The following MZF1 variants were observed in gnomAD, a reference collection of about 807,000 sequenced individuals.
MZF1 encodes the protein zinc finger and SCAN domain-containing protein 6.
Under a neutral mutation model 28.6 loss-of-function variants are expected in MZF1, and 24 were observed. The ratio of observed to expected loss-of-function variants is 0.84; its 90% confidence interval spans 0.61 to 1.18. The LOEUF is 1.18. Among genes scored for constraint, MZF1 ranks in the 50% most tolerant of loss-of-function variants. MZF1 has a pLI of 0.00. For missense variants in MZF1, 1,166 were observed against 1,026.4 expected (o/e 1.14, Z -1.86); for synonymous variants, 516 against 432.5 (o/e 1.19, Z -2.40).
chr19:58,563,890 T>C, intron 5 of MZF1: 1 of 181,686 alleles, frequency 5.5e-6, no homozygotes. Flanking sequence ...GGGTGCAGGC[T>C]CCTGGATAGT....
Position 58,573,178 on chromosome 19 carries a change from C to G in MZF1, c.-164G>C. On this transcript the variant is annotated 5_prime_UTR_variant, in exon 1 of 6. Coordinates refer to ENST00000215057, the MANE Select transcript of MZF1 (RefSeq NM_198055.2). ...CTCGAGCGCCTCCTTGCCCTTCCCC[C>G]ACCCTCGTCCCCGTTTCTACACCCT... The G allele has an allele frequency of 6.5e-6, 1 of 153,812 alleles. No homozygotes were observed. The highest frequency in any genetic ancestry group is 1.5e-5 in the Non-Finnish European group (1 of 68,456). The allele number at this position is 153,812 out of a possible 1,614,324, so 9.5% of individuals were successfully genotyped here. A position where few individuals can be genotyped will look rare whatever the true frequency, so the allele number is the denominator to read the frequency against.
intron 3 of MZF1, 102 bp from the exon 4 acceptor site, chr19:58,569,688 G>A (rs950245903): frequency 9.3e-7 from 1 of 1,074,150 alleles, no homozygotes. Context: ...TGGGATTCTT[G>A]GTTGTGGGCT....
Position 58,570,535 on chromosome 19 carries a change from G to A in MZF1, c.397-8C>T, listed in dbSNP as rs571026093. The stretch of plus-strand genomic sequence containing the variant: ...CTGCACCTGGACTGTGACCTGGGGA[G>A]GTGCCCCCACCATCAGAAGTCCTAC... On this transcript the variant is annotated splice_region_variant and splice_polypyrimidine_tract_variant and intron_variant, in intron 2 of 5. Coordinates refer to ENST00000215057, the MANE Select transcript of MZF1 (RefSeq NM_198055.2). 80 of 1,609,282 alleles carry A rather than the reference G, an allele frequency of 5.0e-5. No individual in the cohort carries two copies. In the Admixed American group the frequency reaches 6.6e-4, roughly 13 times the overall value.
rs539478185 is a variant in MZF1, at chr19:58,568,689, T to A, written c.772+588A>T. ...ACAAAGCTCCACCAAAACAAAGGTG[T>A]GAACTAAGAAAGAGGAGACCCTGGG... On this transcript the variant is annotated intron_variant, in intron 5 of 5. Coordinates refer to ENST00000215057, the MANE Select transcript of MZF1 (RefSeq NM_198055.2). The A allele has an allele frequency of 2.0e-5, 3 of 152,334 alleles. No homozygotes were observed. The South Asian group carries it at 6.2e-4, about 32-fold the overall frequency. 9.4% of individuals were successfully genotyped at this position (152,334 alleles called of 1,614,324 possible).
In MZF1 at chr19:58,562,594, G is replaced by A; in HGVS notation, c.1683C>T (p.Arg561=). ...RQRSNLTQHR[R]IHTGERPFAC... ...CGAAGGGCCGCTCCCCGGTGTGGAT[G>A]CGCCGGTGCTGCGTCAGGTTGGAGC... The change falls in exon 6 of 6, where the codon CGC becomes CGT. Residue 561 remains arginine (R), a synonymous_variant. Coordinates refer to ENST00000215057, the MANE Select transcript of MZF1 (RefSeq NM_198055.2). 1 of 1,586,636 alleles carries A rather than the reference G, an allele frequency of 6.3e-7. No homozygotes were observed. The highest frequency in any genetic ancestry group is 2.3e-5 in the East Asian group (1 of 43,874).
chr19:58,564,989 C>T (rs1251190316), intron 5 of MZF1, among the ~76,000 whole-genome samples: 2 of 126,136 alleles, frequency 1.6e-5, no homozygotes, highest in Non-Finnish European at 3.2e-5. Flanking sequence ...GGTGTGATCT[C>T]GGCTCACCGC....
At chr19:58,568,468 T>G (rs1388460675) in intron 5 of MZF1, 2 of 152,064 alleles carry the variant, frequency 1.3e-5, no homozygotes, top group Non-Finnish European at 2.9e-5. Flanking sequence ...AAAAAAAATT[T>G]CAAGGCAGTT....
At position 58,561,941 on chromosome 19, in the gene MZF1, A is replaced by G. The variant is rs767358393; in HGVS notation, c.*131T>C. ...GTGGGTGGAGACCCAGTTTCCATCT[A>G]CTGTTTATTGGACACCTACAGTAGC... On this transcript the variant is annotated 3_prime_UTR_variant, in exon 6 of 6. Coordinates refer to ENST00000215057, the MANE Select transcript of MZF1 (RefSeq NM_198055.2). The G allele has an allele frequency of 3.3e-5, 30 of 915,946 alleles. No homozygotes were observed. The highest frequency in any genetic ancestry group is 5.3e-5 in the Admixed American group (2 of 37,830). 56.7% of individuals were successfully genotyped at this position (915,946 alleles called of 1,614,324 possible).
At chr19:58,567,283 C>A (rs886316516) in intron 5 of MZF1, among the ~76,000 whole-genome samples, 8 of 152,190 alleles carry the variant, frequency 5.3e-5, no homozygotes, top group Non-Finnish European at 1.2e-4. Context: ...AGGGCACCAG[C>A]CAGGCTGGAG....
intron 3 of MZF1, chr19:58,569,793 G>T: frequency 1.8e-6 from 1 of 552,440 alleles, no homozygotes; most frequent in Non-Finnish European, 3.2e-6. Context: ...AGCTGCAGTG[G>T]GATGAGATGG....
Position 58,571,276 on chromosome 19 carries a change from T to C in MZF1, c.114A>G (p.Pro38=), listed in dbSNP as rs1204696152. ...EEEGEAALWD[P]GPEAARLRFR... ...AACGCAGGCGTGCAGCTTCAGGGCC[T>C]GGGTCCCATAAGGCAGCCTCACCCT... is the stretch of plus-strand genomic sequence containing the variant. The change falls in exon 2 of 6, where the codon CCA becomes CCG. Residue 38 remains proline (P), a synonymous_variant. Transcript: ENST00000215057. The C allele has an allele frequency of 6.2e-7, 1 of 1,613,522 alleles. No homozygotes were observed. The highest frequency in any genetic ancestry group is 8.5e-7 in the Non-Finnish European group (1 of 1,179,824).
At chr19:58,571,490 G>C (rs764076709) in intron 1 of MZF1, 61 bp from the exon 2 acceptor site, 10 of 1,428,596 alleles carry the variant, frequency 7.0e-6, no homozygotes, top group Non-Finnish European at 6.7e-6. Flanking sequence ...TCACTGCCTA[G>C]TCTATGCTGT....
intron 5 of MZF1, chr19:58,569,015 G>A (rs987248813): frequency 5.4e-5 from 21 of 390,906 alleles, no homozygotes; most frequent in Middle Eastern, 6.6e-4. Context: ...GGGAATACTC[G>A]CCCTGCTTGC....
At position 58,571,317 on chromosome 19, in the gene MZF1, C is replaced by T. The variant is rs762805774; in HGVS notation, c.73G>A (p.Glu25Lys). The change falls in exon 2 of 6, where the codon GAG (glutamate) becomes AAG (lysine). Residue 25 changes from glutamate (E) to lysine (K), a missense_variant. Glu to Lys is a moderately conservative substitution (Grantham distance 56). Coordinates refer to ENST00000215057, the MANE Select transcript of MZF1 (RefSeq NM_198055.2). ...EDEGPVMVKL[E>K]DSEEEGEAAL... ...GCCTCACCCTCCTCCTCAGAGTCCTCTAGCTTCACCATGACAGGCCCCTCA... is the reference window on the plus strand; with the variant it reads ...GCCTCACCCTCCTCCTCAGAGTCCTTTAGCTTCACCATGACAGGCCCCTCA... 3.1e-6 allele frequency: 5 copies of T among 1,614,086 alleles called. No individual in the cohort carries two copies. Among genetic ancestry groups the T allele is most frequent in the South Asian group, 2.2e-5 (2 of 91,086 alleles).
chr19:58,563,212 G>T lies in MZF1; in HGVS notation c.1065C>A (p.Gly355=). The T allele has an allele frequency of 1.9e-6, 3 of 1,610,888 alleles. No homozygotes were observed. The highest frequency in any genetic ancestry group is 2.5e-6 in the Non-Finnish European group (3 of 1,179,272). Reference sequence around the variant, plus strand: ...CCTTGCCACATACATCGCAACGGCCGCCCCTAACCACCCCGCCCCCAGTGC... The same window carrying T: ...CCTTGCCACATACATCGCAACGGCCTCCCCTAACCACCCCGCCCCCAGTGC... ...RPSTGGGVVR[G]GRCDVCGKVF... is the part of the protein sequence containing the mutation. The change falls in exon 6 of 6, where the codon GGC becomes GGA. Residue 355 remains glycine, a synonymous_variant. Transcript: ENST00000215057.
intron 2 of MZF1, 132 bp from the exon 3 acceptor site, chr19:58,570,659 C>T: frequency 1.0e-6 from 1 of 959,274 alleles, no homozygotes; most frequent in South Asian, 1.7e-5. Context: ...CTAGGTCCTC[C>T]AAGGACCTAC....
At chr19:58,569,755 G>T in intron 3 of MZF1, 169 bp from the exon 4 acceptor site, 1 of 596,902 alleles carries the variant, frequency 1.7e-6, no homozygotes, top group Non-Finnish European at 2.9e-6. Context: ...GCTGGGTGAA[G>T]CAGAGTACCC....
rs1370015827 is a variant in MZF1 at position 58,566,273 on chromosome 19, C to A, written c.773-2769G>T. On this transcript the variant is annotated intron_variant, in intron 5 of 5. Coordinates refer to ENST00000215057, the MANE Select transcript of MZF1 (RefSeq NM_198055.2). ...ACCAGCCTGACCAACATGGGGAAAC[C>A]CCGTCTCTACTAAAAAAATACAAAA... 3.3e-5 allele frequency among the ~76,000 whole-genome samples: 5 copies of A among 151,876 alleles called. No individual in the cohort carries two copies. The East Asian group carries it at 9.7e-4, about 30-fold the overall frequency.
chr19:58,562,766 T>A lies in MZF1; in HGVS notation c.1511A>T (p.Gln504Leu), dbSNP rs201388932. 3.0e-3 allele frequency: 4,627 copies of A among 1,535,388 alleles called. 10 individuals carry two copies. Among genetic ancestry groups the A allele is most frequent in the Non-Finnish European group, 3.8e-3 (4,316 of 1,146,954 alleles). ...GGACTTGTCGCCCGTGTGTACCGCC[T>A]GGTGCTCCAGCAGCACGGCGCGCCG... ...FARRAVLLEH[Q>L]AVHTGDKSFG... is the part of the protein sequence containing the mutation. Residue 504 changes from glutamine to leucine, a missense_variant, in exon 6 of 6, where the codon CAG (glutamine) becomes CTG (leucine). Physicochemically the swap from Gln to Leu is moderately radical, Grantham distance 113. Coordinates refer to ENST00000215057, the MANE Select transcript of MZF1 (RefSeq NM_198055.2).
Sources: allele counts gnomAD v4.1 joint callset (sites outside exome capture counted in the v4.1 genomes callset), GRCh38; gene constraint gnomAD v4.1.1; transcripts MANE v1.5; gene names NCBI Gene and HGNC (gene_info 2026-07-23, HGNC 2026-07-21).